PRKN: variants seen among roughly 807,000 people sequenced by gnomAD.
The protein encoded by PRKN is parkin RBR E3 ubiquitin protein ligase.
In PRKN, 56 loss-of-function variants were observed where a neutral mutation model predicts 59.5. The ratio of observed to expected loss-of-function variants is 0.94; its 90% CI spans 0.76 to 1.18. PRKN has a LOEUF of 1.18. PRKN is among the 50% of genes most tolerant of loss of function. The pLI is 0.00. For synonymous variants in PRKN, 250 were observed against 222.1 expected (o/e 1.13, Z -1.12); for missense variants, 657 against 596.4 (o/e 1.10, Z -1.06).
chr6:161,494,687 A>C (rs552715218), intron 9 of PRKN, among the ~76,000 whole-genome samples: 62 of 152,346 alleles, frequency 4.1e-4, no homozygotes, highest in African/African-American at 1.3e-3. Context: ...TGATTTAATC[A>C]GTATGAAAAC....
chr6:162,281,426 AT>A, intron 2 of PRKN, among the ~76,000 whole-genome samples: 1 of 152,176 alleles, frequency 6.6e-6, no homozygotes, highest in Non-Finnish European at 1.5e-5. Context: ...TAAAAAAAAA[AT>A]AAGAAAATAA....
intron 4 of PRKN, among the ~76,000 whole-genome samples, chr6:162,067,741 C>T (rs1778397803): frequency 6.6e-6 from 1 of 152,096 alleles, no homozygotes; most frequent in Non-Finnish European, 1.5e-5. Context: ...TCCCTAGTGA[C>T]CTATAAACAA....
At chr6:162,183,161 G>A (rs1299469223) in intron 4 of PRKN, among the ~76,000 whole-genome samples, 2 of 152,122 alleles carry the variant, frequency 1.3e-5, no homozygotes, top group African/African-American at 2.4e-5. Context: ...TTTAAATGTC[G>A]GGAGGCCCAA....
intron 1 of PRKN, among the ~76,000 whole-genome samples, chr6:162,503,136 C>T (rs371203127): frequency 4.1e-3 from 331 of 81,054 alleles, no homozygotes; most frequent in African/African-American, 0.011. Flanking sequence ...GTCTTCATTT[C>T]TTTTTTTTTT....
At chr6:161,742,967 G>C (rs1270885983) in intron 7 of PRKN, among the ~76,000 whole-genome samples, 1 of 152,164 alleles carries the variant, frequency 6.6e-6, no homozygotes, top group Admixed American at 6.5e-5. Context: ...GCTTCTGATA[G>C]AGAATATTTA....
In PRKN at chr6:162,331,608, G is replaced by C. The variant is rs80222050; in HGVS notation, c.172-68843C>G. 7.9e-3 allele frequency among the ~76,000 whole-genome samples: 1,203 copies of C among 152,186 alleles called. 18 individuals carry two copies. Among genetic ancestry groups the C allele is most frequent in the African/African-American group, 0.026 (1,087 of 41,526 alleles). ...GAGCTTGGTGGACACCACCTAAATT[G>C]GTTTTGTTAGATATCACCCCATTTT... On this transcript the variant is annotated intron_variant, in intron 2 of 11. Transcript: ENST00000366898.
intron 3 of PRKN, among the ~76,000 whole-genome samples, chr6:162,227,339 A>G (rs1411249842): frequency 3.3e-5 from 5 of 152,032 alleles, no homozygotes; most frequent in Non-Finnish European, 1.5e-5. Flanking sequence ...ACCACTGCAA[A>G]TTTTATCTTG....
Position 161,497,082 on chromosome 6 carries a change from C to T in PRKN, c.1083+51772G>A, listed in dbSNP as rs1053839668. Among the ~76,000 whole-genome samples the T allele has an allele frequency of 2.6e-5, 4 of 152,204 alleles. No individual in the cohort carries two copies. Among genetic ancestry groups the T allele is most frequent in the Non-Finnish European group, 4.4e-5 (3 of 68,034 alleles). ...CCCGTCACAAACCTGCTGGCATGCC[C>T]GTTCCTCCTGGCTACGACTCCACAG... On this transcript the variant is annotated intron_variant, in intron 9 of 11. Transcript: ENST00000366898. The surrounding 1 kb of genome is among the most constrained non-coding windows in gnomAD (Gnocchi z 4.6).
rs1169825259 is a variant in PRKN, at chr6:162,472,483, TTTTATTTTA to T, written c.8-29019_8-29011del. On this transcript the variant is annotated intron_variant, in intron 1 of 11. Transcript: ENST00000366898. ...TTTTATTTTATTTTATTTTATTTTATTTTATTTTATTTTTTGAGACGGAGTCTCGCTCTG... is the reference window on the plus strand; with the variant it reads ...TTTTATTTTATTTTATTTTATTTTATTTTTTTGAGACGGAGTCTCGCTCTG... Among the ~76,000 whole-genome samples, 241 of 87,112 alleles carry T rather than the reference TTTTATTTTA, an allele frequency of 2.8e-3. 22 individuals are homozygous for T. Among genetic ancestry groups the T allele is most frequent in the African/African-American group, 8.5e-3 (220 of 25,922 alleles). The allele number at this position is 87,112 out of a possible 152,430, so 57.1% of individuals were successfully genotyped here.
intron 6 of PRKN, among the ~76,000 whole-genome samples, chr6:161,834,385 T>C (rs1792650362): frequency 6.6e-6 from 1 of 152,070 alleles, no homozygotes; most frequent in Admixed American, 6.6e-5. Context: ...GGACCATATC[T>C]AATTTACAGG....
At chr6:161,838,445 G>A (rs1792850448) in intron 6 of PRKN, among the ~76,000 whole-genome samples, 1 of 152,188 alleles carries the variant, frequency 6.6e-6, no homozygotes, top group Non-Finnish European at 1.5e-5. Flanking sequence ...CTTTGGGCAG[G>A]TCACTTCAGC....
chr6:161,647,564 C>A (rs1434236114), intron 7 of PRKN, among the ~76,000 whole-genome samples: 4 of 151,618 alleles, frequency 2.6e-5, no homozygotes, highest in African/African-American at 9.7e-5. Context: ...TGGGTATGGG[C>A]CCATACTCAG....
chr6:162,272,785 G>A (rs928888575), intron 2 of PRKN, among the ~76,000 whole-genome samples: 7 of 152,016 alleles, frequency 4.6e-5, no homozygotes, highest in African/African-American at 1.7e-4. Context: ...ATCACCCGAG[G>A]TCAGGGGTTC....
intron 5 of PRKN, among the ~76,000 whole-genome samples, chr6:161,989,334 C>T (rs1391212838): frequency 3.3e-5 from 5 of 152,190 alleles, no homozygotes; most frequent in African/African-American, 1.2e-4. Flanking sequence ...GGTGCCCATG[C>T]ACATCAGGGG....
At chr6:161,744,429 C>T (rs1788328675) in intron 7 of PRKN, among the ~76,000 whole-genome samples, 2 of 152,176 alleles carry the variant, frequency 1.3e-5, no homozygotes, top group Admixed American at 1.3e-4. Flanking sequence ...CATGACCCCT[C>T]ACTGAATGCT....
intron 8 of PRKN, among the ~76,000 whole-genome samples, chr6:161,555,423 TCA>T (rs10616121): frequency 0.4 from 61,120 of 151,812 alleles, 12,460 homozygotes; most frequent in East Asian, 0.64. Context: ...TTGCTGTTGC[TCA>T]GTTTTACATG....
chr6:162,232,282 A>G (rs1188638078), intron 3 of PRKN, among the ~76,000 whole-genome samples: 1 of 152,118 alleles, frequency 6.6e-6, no homozygotes, highest in Non-Finnish European at 1.5e-5. Flanking sequence ...CTATGTGCTC[A>G]GGGCCTTTGC....
At position 161,862,834 on chromosome 6, in the gene PRKN, A is replaced by C. The variant is rs192505925; in HGVS notation, c.735-76926T>G. 4.7e-3 allele frequency among the ~76,000 whole-genome samples: 721 copies of C among 152,328 alleles called. 5 individuals are homozygous for C. Among genetic ancestry groups the C allele is most frequent in the African/African-American group, 0.016 (668 of 41,568 alleles). ...AGACCCGTCTATCTCTGAAGTGGTC[A>C]GAAGTAAAAGCTATTTCCTGTTTGG... On this transcript the variant is annotated intron_variant, in intron 6 of 11. Coordinates refer to ENST00000366898, the MANE Select transcript of PRKN (RefSeq NM_004562.3).
chr6:162,604,697 CTTTTT>C (rs35730217), intron 1 of PRKN, among the ~76,000 whole-genome samples: 1 of 135,232 alleles, frequency 7.4e-6, no homozygotes, highest in African/African-American at 2.8e-5. Context: ...TTTCTCTCTC[CTTTTT>C]TTTTTTTTTT....
Sources: allele counts gnomAD v4.1 joint callset (sites outside exome capture counted in the v4.1 genomes callset), GRCh38; gene constraint gnomAD v4.1.1; non-coding constraint Gnocchi (gnomAD v3.1); transcripts MANE v1.5; gene names NCBI Gene and HGNC (gene_info 2026-07-23, HGNC 2026-07-21).